Variants in PRH1 observed in about 807,000 individuals in gnomAD.
The protein encoded by PRH1 is proline rich protein HaeIII subfamily 1.
In PRH1, 7 loss-of-function variants were observed where a neutral mutation model predicts 7.9. The ratio of observed to expected loss-of-function variants is 0.89; its 90% CI spans 0.50 to 1.67. The LOEUF (loss-of-function observed/expected upper bound fraction) is 1.67, where lower values mean the gene tolerates loss of function less well. Among genes scored for constraint, PRH1 ranks in the 40% most tolerant of loss-of-function variants. The pLI, the probability that PRH1 is intolerant of heterozygous loss-of-function variation, is 0.00. For missense variants in PRH1, 109 were observed against 223.6 expected, an observed-to-expected ratio of 0.49 and a Z score of 3.27; for synonymous variants, 45 against 80.8, an observed-to-expected ratio of 0.56 and a Z score of 2.38.
At chr12:11,091,189 G>C (rs1944878607) in intron 1 of PRH1, 1 of 883,750 alleles carries the variant, frequency 1.1e-6, no homozygotes, top group Admixed American at 3.9e-5. Context: ...GTATACGTTT[G>C]GAAATTATTC....
intron 2 of PRH1, among the ~76,000 whole-genome samples, chr12:10,964,106 CAT>C (rs1310793467): frequency 1.3e-5 from 2 of 152,122 alleles, no homozygotes; most frequent in Admixed American, 1.3e-4. Context: ...TCAAATGAAA[CAT>C]GATAATATGA....
chr12:11,154,493 A>C (rs1947194771), intron 1 of PRH1, among the ~76,000 whole-genome samples: 1 of 152,194 alleles, frequency 6.6e-6, no homozygotes, highest in Non-Finnish European at 1.5e-5. Context: ...TGATTTCCAG[A>C]GGAAATGCAT....
chr12:11,046,506 G>C (rs893955093), intron 1 of PRH1, among the ~76,000 whole-genome samples: 9 of 152,018 alleles, frequency 5.9e-5, no homozygotes, highest in Non-Finnish European at 1.3e-4. Context: ...AACCCAGTAA[G>C]TCTACAGTTT....
chr12:10,997,437 T>C, intron 1 of PRH1: 3 of 1,613,806 alleles, frequency 1.9e-6, no homozygotes, highest in Non-Finnish European at 1.7e-6. Context: ...TACGTGTGTT[T>C]CATCACAAGG....
Position 11,035,856 on chromosome 12 carries a change from C to T in PRH1, c.-126+11164G>A, listed in dbSNP as rs144592174. Among the ~76,000 whole-genome samples, 396 of 152,202 alleles carry T rather than the reference C, an allele frequency of 2.6e-3. 2 individuals carry two copies. Among genetic ancestry groups the T allele is most frequent in the African/African-American group, 9.1e-3 (376 of 41,546 alleles). ...TAGAGCATCTCAACCACAGCTCCAC[C>T]ACTCTATTCCATGATTTAAATTTTA... is the stretch of plus-strand genomic sequence containing the variant. On this transcript the variant is annotated intron_variant, in intron 1 of 3. Transcript: ENST00000539853.
At chr12:11,113,517 G>C (rs972421125) in intron 1 of PRH1, among the ~76,000 whole-genome samples, 1 of 152,132 alleles carries the variant, frequency 6.6e-6, no homozygotes, top group African/African-American at 2.4e-5. Context: ...GCCTTAGGCA[G>C]AAAACTGAAA....
upstream of PRH1, chr12:11,049,182 G>A: frequency 1.7e-6 from 2 of 1,183,442 alleles, no homozygotes; most frequent in East Asian, 2.9e-5. Context: ...GAGCTATGAA[G>A]CCATTGGCAA....
chr12:10,932,284 C>G (rs191632982), intron 2 of PRH1: 13 of 407,552 alleles, frequency 3.2e-5, no homozygotes, highest in Non-Finnish European at 5.8e-5. Context: ...TGATCATGCT[C>G]TAACTTCAAT....
At chr12:11,155,927 T>C (rs1947234104) in intron 1 of PRH1, among the ~76,000 whole-genome samples, 1 of 152,180 alleles carries the variant, frequency 6.6e-6, no homozygotes, top group Non-Finnish European at 1.5e-5. Context: ...ATAATTAAAC[T>C]AAATTTAATC....
At chr12:10,908,271 C>A (rs1486634844) in intron 2 of PRH1, 4 of 947,018 alleles carry the variant, frequency 4.2e-6, no homozygotes, top group Non-Finnish European at 6.2e-6. Context: ...GTGACCTTCA[C>A]AATAAAAGAA....
At chr12:11,103,810 G>C (rs746695900) in intron 1 of PRH1, among the ~76,000 whole-genome samples, 1 of 151,948 alleles carries the variant, frequency 6.6e-6, no homozygotes, top group African/African-American at 2.4e-5. Flanking sequence ...AAGAATGTTA[G>C]TGGCATTACT....
chr12:10,974,666 C>T (rs1939004594), intron 1 of PRH1, among the ~76,000 whole-genome samples: 1 of 152,064 alleles, frequency 6.6e-6, no homozygotes, highest in South Asian at 2.1e-4. Context: ...TTCAAAGATT[C>T]AAGGAACATC....
rs199954884 is a variant in PRH1 at position 10,908,971 on chromosome 12, T to C, written c.-58-24696A>G. ...GCAGGGCTAGAGAAACTCGCTATTT[T>C]GAGCAAATAAAAGATGCTGAAGATT... On this transcript the variant is annotated intron_variant, in intron 2 of 3. Coordinates refer to the PRH1 transcript ENST00000539853. 28 of 1,613,704 alleles carry C rather than the reference T, an allele frequency of 1.7e-5. No homozygotes were observed. The East Asian group carries it at 6.0e-4, about 35-fold the overall frequency.
chr12:11,051,799 A>C (rs1943157151), upstream of PRH1, among the ~76,000 whole-genome samples: 1 of 152,190 alleles, frequency 6.6e-6, no homozygotes, highest in South Asian at 2.1e-4. Flanking sequence ...ATGTAATCAC[A>C]TAACTGCATG....
chr12:11,119,863 C>T (rs559103240), downstream of PRH1, among the ~76,000 whole-genome samples: 1 of 152,212 alleles, frequency 6.6e-6, no homozygotes, highest in South Asian at 2.1e-4. Context: ...AATGTGGTCA[C>T]CAATCACGGG....
chr12:10,986,777 T>C (rs776614958), intron 1 of PRH1: 14 of 1,594,190 alleles, frequency 8.8e-6, no homozygotes, highest in Non-Finnish European at 1.1e-5. Flanking sequence ...AATTTACCAG[T>C]GCTATGAAGC....
At chr12:10,904,203 A>G (rs1037023338) in intron 2 of PRH1, among the ~76,000 whole-genome samples, 3 of 152,024 alleles carry the variant, frequency 2.0e-5, no homozygotes, top group Admixed American at 2.0e-4. Context: ...AACCAAAAAA[A>G]GAGCCCAAAT....
intron 2 of PRH1, among the ~76,000 whole-genome samples, chr12:10,898,978 C>T (rs540312317): frequency 5.3e-5 from 8 of 152,308 alleles, no homozygotes; most frequent in African/African-American, 1.9e-4. Context: ...GCAGCACATA[C>T]AGTCAAAAGA....
At chr12:11,074,334 A>ATTT (rs1944208274) in intron 1 of PRH1, among the ~76,000 whole-genome samples, 2 of 148,996 alleles carry the variant, frequency 1.3e-5, no homozygotes, top group Admixed American at 6.7e-5. Context: ...GAAAGTGGAC[A>ATTT]TTTTTATAAA....
Sources: gnomAD v4.1 joint callset for allele counts (sites outside exome capture counted in the v4.1 genomes callset) on GRCh38, gnomAD v4.1.1 for gene constraint, MANE v1.5 for transcripts, NCBI Gene and HGNC (gene_info 2026-07-23, HGNC 2026-07-21) for gene names.